The following PCDH15 variants were observed in gnomAD, a reference collection of about 807,000 sequenced individuals.
The protein encoded by PCDH15 is protocadherin-15.
In PCDH15, 129 loss-of-function variants were observed where a neutral mutation model predicts 178.5. The observed-to-expected ratio is 0.72, with a 90% CI of 0.63 to 0.84. The LOEUF is 0.84. Among genes scored for constraint, PCDH15 ranks in the 40% least tolerant of loss-of-function variants. The probability of loss-of-function intolerance (pLI) is 0.00; values close to 1 mark genes in which losing one functional copy is unlikely to be tolerated. For missense variants in PCDH15, 2,230 were observed against 2,099.9 expected, an observed-to-expected ratio of 1.06 and a Z score of -1.21; for synonymous variants, 800 against 732.0, an observed-to-expected ratio of 1.09 and a Z score of -1.50.
At chr10:55,130,517 G>C (rs1838011165) in intron 2 of PCDH15, among the ~76,000 whole-genome samples, 1 of 152,144 alleles carries the variant, frequency 6.6e-6, no homozygotes, top group Non-Finnish European at 1.5e-5. Context: ...AGGGGTCAAA[G>C]CTCAGCTTTG....
intron 18 of PCDH15, 35 bp from the exon 19 acceptor site, chr10:54,023,232 G>A (rs35308619): frequency 1.9e-5 from 31 of 1,592,352 alleles, no homozygotes; most frequent in East Asian, 1.1e-4. Flanking sequence ...AAAAATTCAC[G>A]TAAGTTTTGA....
In PCDH15 at chr10:53,840,301, G is replaced by T. The variant is rs1319655039; in HGVS notation, c.3983+19C>A. On this transcript the variant is annotated intron_variant, in intron 29 of 37. Transcript: ENST00000644397. ...CTATTGTAACCAAAGAGCTGTTACA[G>T]ATAACAAAAAGCACTTACTTAAAAA... The T allele has an allele frequency of 6.2e-7, 1 of 1,611,542 alleles. No individual in the cohort carries two copies. Among genetic ancestry groups the T allele is most frequent in the African/African-American group, 1.3e-5 (1 of 74,850 alleles).
chr10:55,008,909 CA>C (rs556731408), intron 2 of PCDH15, among the ~76,000 whole-genome samples: 4 of 151,176 alleles, frequency 2.6e-5, no homozygotes, highest in African/African-American at 7.3e-5. Flanking sequence ...AAAACAAAAA[CA>C]AAAAAAACCT....
intron 3 of PCDH15, among the ~76,000 whole-genome samples, chr10:54,403,506 T>C (rs975231993): frequency 6.6e-5 from 10 of 151,926 alleles, no homozygotes; most frequent in African/African-American, 2.4e-4. Context: ...TGGCAAAAGC[T>C]GGAGTATTTC....
At chr10:54,128,898 C>T (rs140615217) in intron 15 of PCDH15, among the ~76,000 whole-genome samples, 1 of 152,210 alleles carries the variant, frequency 6.6e-6, no homozygotes, top group East Asian at 1.9e-4. Flanking sequence ...TATAACATCA[C>T]AAAATTAACC....
intron 2 of PCDH15, among the ~76,000 whole-genome samples, chr10:55,359,409 A>C (rs190078680): frequency 6.6e-6 from 1 of 152,098 alleles, no homozygotes; most frequent in Admixed American, 6.6e-5. Flanking sequence ...TGAAAATTAT[A>C]ACAATTTTTA....
intron 2 of PCDH15, among the ~76,000 whole-genome samples, chr10:55,467,995 T>TAAAA (rs1839872637): frequency 2.0e-5 from 2 of 98,306 alleles, no homozygotes; most frequent in African/African-American, 9.4e-5. Flanking sequence ...AAAAAAAGAA[T>TAAAA]TAAAACTGGT....
intron 1 of PCDH15, among the ~76,000 whole-genome samples, chr10:55,193,376 C>A (rs1261979664): frequency 6.6e-6 from 1 of 151,648 alleles, no homozygotes; most frequent in South Asian, 2.1e-4. Context: ...TGTTTCATTG[C>A]CAAAATTAAT....
intron 2 of PCDH15, among the ~76,000 whole-genome samples, chr10:54,612,272 T>G (rs1467399040): frequency 6.6e-6 from 1 of 151,858 alleles, no homozygotes; most frequent in Non-Finnish European, 1.5e-5. Flanking sequence ...ATAAGGGACA[T>G]ATCTCTAAAG....
At chr10:55,165,737 C>T (rs1336567942) in intron 2 of PCDH15, among the ~76,000 whole-genome samples, 1 of 151,888 alleles carries the variant, frequency 6.6e-6, no homozygotes, top group Non-Finnish European at 1.5e-5. Flanking sequence ...TTTATATACA[C>T]ATAACATATA....
Position 54,892,472 on chromosome 10 carries a change from C to CA in PCDH15, c.-29+4977dup, listed in dbSNP as rs199704354. Among the ~76,000 whole-genome samples the CA allele has an allele frequency of 2.6e-3, 385 of 148,344 alleles. 3 individuals carry two copies. The highest frequency in any genetic ancestry group is 8.8e-3 in the African/African-American group (355 of 40,390). On this transcript the variant is annotated intron_variant, in intron 3 of 5. Transcript: ENST00000458638. ...CAGTATCTAGTAAAGTAAAAAAATG[C>CA]AAAAAAAATTCTCACAAATCAAAAG...
At chr10:55,620,063 C>T (rs1291526686) in intron 2 of PCDH15, among the ~76,000 whole-genome samples, 2 of 151,988 alleles carry the variant, frequency 1.3e-5, no homozygotes, top group Admixed American at 6.6e-5. Flanking sequence ...TAAGCATATG[C>T]CCCCAGTTAA....
At chr10:53,940,740 C>T in intron 24 of PCDH15, 126 bp downstream of exon 24, 1 of 752,116 alleles carries the variant, frequency 1.3e-6, no homozygotes, top group East Asian at 2.7e-5. Flanking sequence ...TTAACAATTA[C>T]ATTTAAGATG....
intron 1 of PCDH15, among the ~76,000 whole-genome samples, chr10:55,314,105 T>C (rs1843661020): frequency 1.3e-5 from 2 of 151,078 alleles, no homozygotes; most frequent in South Asian, 4.2e-4. Context: ...TATTCTGTCT[T>C]GAAATTCCAT....
intron 25 of PCDH15, among the ~76,000 whole-genome samples, chr10:53,926,374 G>T (rs2610848): frequency 0.047 from 7,108 of 152,190 alleles, 511 homozygotes; most frequent in African/African-American, 0.16. Context: ...TAAATATTCA[G>T]ATTTCCATTT....
At chr10:54,941,787 G>A (rs1838070153) in intron 2 of PCDH15, among the ~76,000 whole-genome samples, 1 of 151,928 alleles carries the variant, frequency 6.6e-6, no homozygotes, top group African/African-American at 2.4e-5. Context: ...TACTAACTTG[G>A]TTTGACTACT....
At chr10:54,194,665 TATC>T (rs2049400965) in intron 11 of PCDH15, among the ~76,000 whole-genome samples, 1 of 150,476 alleles carries the variant, frequency 6.6e-6, no homozygotes, top group Admixed American at 6.7e-5. Context: ...TCTATCTATC[TATC>T]TATCTATCTA....
intron 2 of PCDH15, chr10:54,641,211 A>T (rs374477600): frequency 4.4e-5 from 7 of 157,996 alleles, no homozygotes; most frequent in African/African-American, 1.4e-4. Context: ...TAAGAACATC[A>T]TCATAAAACA....
chr10:54,047,221 T>C (rs1590104279), intron 18 of PCDH15, among the ~76,000 whole-genome samples: 2 of 152,194 alleles, frequency 1.3e-5, no homozygotes, highest in East Asian at 3.9e-4. Context: ...AGCATGTCTG[T>C]TATACTTTTC....
Sources: gnomAD v4.1 joint callset for allele counts (sites outside exome capture counted in the v4.1 genomes callset) on GRCh38, gnomAD v4.1.1 for gene constraint, MANE v1.5 for transcripts, NCBI Gene and HGNC (gene_info 2026-07-23, HGNC 2026-07-21) for gene names.